The following RYK variants were observed in gnomAD, a reference collection of about 807,000 sequenced individuals.
RYK encodes inactive tyrosine-protein kinase RYK.
A neutral mutation model predicts 70.2 loss-of-function variants in RYK; 21 were observed. The ratio of observed to expected loss-of-function variants is 0.30; its 90% confidence interval spans 0.21 to 0.43. The LOEUF (loss-of-function observed/expected upper bound fraction) is 0.43, where lower values mean the gene tolerates loss of function less well. Among genes scored for constraint, RYK ranks in the 20% least tolerant of loss-of-function variants. The pLI, the probability that RYK is intolerant of heterozygous loss-of-function variation, is 1.00. For synonymous variants in RYK, 267 were observed against 278.0 expected (o/e 0.96, Z 0.39); for missense variants, 604 against 753.3 (o/e 0.80, Z 2.32).
At chr3:134,231,307 G>C (rs751829285) in intron 1 of RYK, among the ~76,000 whole-genome samples, 3 of 151,978 alleles carry the variant, frequency 2.0e-5, no homozygotes, top group Non-Finnish European at 4.4e-5. Flanking sequence ...TCAAGGAGAC[G>C]GGTGGATATA....
Position 134,178,092 on chromosome 3 carries a change from T to C in RYK, c.1173-19A>G. Reference sequence around the variant, plus strand: ...AAGATTTCTATAAAATAATAAAAAATTGGGAGAAAGACAAAGGAATCCAAA... The same window carrying C: ...AAGATTTCTATAAAATAATAAAAAACTGGGAGAAAGACAAAGGAATCCAAA... On this transcript the variant is annotated intron_variant, in intron 10 of 14. Transcript: ENST00000623711. The C allele has an allele frequency of 6.5e-7, 1 of 1,535,480 alleles. No individual in the cohort carries two copies. Among genetic ancestry groups the C allele is most frequent in the Non-Finnish European group, 8.8e-7 (1 of 1,139,742 alleles).
At chr3:134,246,891 T>C (rs1374036869) in intron 1 of RYK, among the ~76,000 whole-genome samples, 1 of 151,888 alleles carries the variant, frequency 6.6e-6, no homozygotes, top group East Asian at 1.9e-4. Context: ...AATCGTACTA[T>C]CTAGATTGGA....
At chr3:134,162,180 C>T (rs796229062) in intron 13 of RYK, among the ~76,000 whole-genome samples, 31 of 152,000 alleles carry the variant, frequency 2.0e-4, no homozygotes, top group African/African-American at 6.3e-4. Flanking sequence ...TCTGCAATGA[C>T]CCTATTTCCA....
intron 2 of RYK, among the ~76,000 whole-genome samples, chr3:134,212,761 G>T (rs1328362452): frequency 6.6e-6 from 1 of 152,158 alleles, no homozygotes; most frequent in Non-Finnish European, 1.5e-5. Context: ...ATAAGGGAAG[G>T]GATGGCCCTT....
intron 13 of RYK, among the ~76,000 whole-genome samples, chr3:134,169,357 A>G (rs1204177940): frequency 6.6e-6 from 1 of 152,222 alleles, no homozygotes; most frequent in Non-Finnish European, 1.5e-5. Flanking sequence ...AAGTAATTCA[A>G]AGAAGATGTA....
At chr3:134,240,529 T>TATAGG (rs1559767514) in intron 1 of RYK, among the ~76,000 whole-genome samples, 2 of 152,216 alleles carry the variant, frequency 1.3e-5, no homozygotes, top group Non-Finnish European at 2.9e-5. Flanking sequence ...CTGTAGTGGA[T>TATAGG]ATAGGACACT....
At chr3:134,193,524 C>G (rs1464504951) in intron 7 of RYK, among the ~76,000 whole-genome samples, 3 of 152,166 alleles carry the variant, frequency 2.0e-5, no homozygotes, top group African/African-American at 7.2e-5. Flanking sequence ...TGTATAACAA[C>G]AATTCCCTAC....
chr3:134,209,209 C>A (rs2014315233), intron 4 of RYK, among the ~76,000 whole-genome samples: 1 of 152,170 alleles, frequency 6.6e-6, no homozygotes, highest in African/African-American at 2.4e-5. Context: ...CAACAAACCT[C>A]TGAAACAGGT....
At chr3:134,162,215 G>T (rs2012497703) in intron 13 of RYK, among the ~76,000 whole-genome samples, 1 of 150,172 alleles carries the variant, frequency 6.7e-6, no homozygotes, top group Admixed American at 6.7e-5. Flanking sequence ...CTGAGGTACT[G>T]GGGGTTAGGG....
chr3:134,191,605 T>C (rs1204910759), intron 8 of RYK, among the ~76,000 whole-genome samples: 1 of 152,136 alleles, frequency 6.6e-6, no homozygotes, highest in Admixed American at 6.5e-5. Context: ...ACACCTTAAA[T>C]ATAGCCAACA....
intron 13 of RYK, among the ~76,000 whole-genome samples, chr3:134,159,787 T>C (rs1045713344): frequency 2.0e-5 from 3 of 152,152 alleles, no homozygotes; most frequent in Non-Finnish European, 4.4e-5. Context: ...TGAGGGGAAA[T>C]ATAAGAAGTC....
chr3:134,160,842 G>A (rs1365366986), intron 13 of RYK, among the ~76,000 whole-genome samples: 1 of 152,140 alleles, frequency 6.6e-6, no homozygotes, highest in Non-Finnish European at 1.5e-5. Context: ...GCAACAAAGC[G>A]AGACTCTGTC....
At chr3:134,222,581 T>G in intron 1 of RYK, 42 bp from the exon 2 acceptor site, 1 of 1,440,816 alleles carries the variant, frequency 6.9e-7, no homozygotes, top group South Asian at 1.2e-5. Context: ...ACTTAAAATA[T>G]TCTCAAAATC....
At chr3:134,167,436 A>C (rs1048643138) in intron 13 of RYK, among the ~76,000 whole-genome samples, 6 of 152,230 alleles carry the variant, frequency 3.9e-5, no homozygotes, top group African/African-American at 9.6e-5. Context: ...CTCAAAAATA[A>C]TACTACACAT....
At position 134,175,920 on chromosome 3, in the gene RYK, T is replaced by A. The variant is rs757227902; in HGVS notation, c.1415+10A>T. 1 of 1,593,300 alleles carries A rather than the reference T, an allele frequency of 6.3e-7. No individual in the cohort carries two copies. Among genetic ancestry groups the A allele is most frequent in the Non-Finnish European group, 8.6e-7 (1 of 1,164,512 alleles). ...ACATCAAGTGACAGCGTCAAGCTCA[T>A]GGCACCTACACACAGTTCCTGGCAG... is the stretch of plus-strand genomic sequence containing the variant. On this transcript the variant is annotated intron_variant, in intron 12 of 14. Coordinates refer to ENST00000623711, the MANE Select transcript of RYK (RefSeq NM_002958.4).
chr3:134,236,740 G>C (rs182123092), intron 1 of RYK, among the ~76,000 whole-genome samples: 1 of 152,288 alleles, frequency 6.6e-6, no homozygotes, highest in Non-Finnish European at 1.5e-5. Context: ...CAACAGAAGA[G>C]AACTGAGAGT....
At chr3:134,161,965 C>T (rs914218133) in intron 13 of RYK, among the ~76,000 whole-genome samples, 10 of 152,168 alleles carry the variant, frequency 6.6e-5, no homozygotes, top group African/African-American at 2.4e-4. Flanking sequence ...TGTGCTTCCC[C>T]GGAAACCTGT....
rs1021803357 is a variant in RYK, at chr3:134,159,120, A to C, written c.1712+117T>G. 8 of 1,093,548 alleles carry C rather than the reference A, an allele frequency of 7.3e-6. No individual in the cohort carries two copies. In the African/African-American group the frequency reaches 1.3e-4, roughly 17 times the overall value. The allele number at this position is 1,093,548 out of a possible 1,614,324, so 67.7% of individuals were successfully genotyped here. ...TTATAAGAGTCTAATTTAAATCCAA[A>C]GAGTCATTATTCTCAAAAGGGAAGG... On this transcript the variant is annotated intron_variant, in intron 14 of 14. Coordinates refer to ENST00000623711, the MANE Select transcript of RYK (RefSeq NM_002958.4).
At chr3:134,203,865 C>T (rs1560015148) in intron 5 of RYK, among the ~76,000 whole-genome samples, 1 of 152,214 alleles carries the variant, frequency 6.6e-6, no homozygotes, top group African/African-American at 2.4e-5. Flanking sequence ...ACTAAAGCTA[C>T]TGAAATGTAG....
Sources: allele counts gnomAD v4.1 joint callset (sites outside exome capture counted in the v4.1 genomes callset), GRCh38; gene constraint gnomAD v4.1.1; transcripts MANE v1.5; gene names NCBI Gene and HGNC (gene_info 2026-07-23, HGNC 2026-07-21).